Variants in CCDC66 observed in about 807,000 individuals in gnomAD.
CCDC66 encodes coiled-coil domain-containing protein 66.
In CCDC66, 133 loss-of-function variants were observed where a neutral mutation model predicts 128.3. The observed-to-expected ratio is 1.04, with a 90% CI of 0.90 to 1.20. The LOEUF is 1.20. Among genes scored for constraint, CCDC66 ranks in the 50% most tolerant of loss-of-function variants. The pLI, the probability that CCDC66 is intolerant of heterozygous loss-of-function variation, is 0.00. For synonymous variants in CCDC66, 387 were observed against 357.0 expected, an observed-to-expected ratio of 1.08 and a Z score of -0.95; for missense variants, 1,126 against 1,075.5, an observed-to-expected ratio of 1.05 and a Z score of -0.66.
chr3:56,587,357 A>AT (rs1305794896), intron 7 of CCDC66, among the ~76,000 whole-genome samples: 1 of 151,894 alleles, frequency 6.6e-6, no homozygotes, highest in African/African-American at 2.4e-5. Context: ...GTAATTTATA[A>AT]AGAGGTTTAA....
At chr3:56,606,572 C>T (rs773047935) in intron 10 of CCDC66, among the ~76,000 whole-genome samples, 1 of 151,904 alleles carries the variant, frequency 6.6e-6, no homozygotes, top group Non-Finnish European at 1.5e-5. Flanking sequence ...GTTGAGGTGG[C>T]GCCTCACCCT....
rs2064730598 is a variant in CCDC66 at position 56,558,921 on chromosome 3, T to C, written c.76+11T>C. The C allele has an allele frequency of 6.6e-7, 1 of 1,517,292 alleles. No individual in the cohort carries two copies. The highest frequency in any genetic ancestry group is 1.4e-5 in the African/African-American group (1 of 71,802). The allele number at this position is 1,517,292 out of a possible 1,614,324, so 94.0% of individuals were successfully genotyped here. A position where few individuals can be genotyped will look rare whatever the true frequency, so the allele number is the denominator to read the frequency against. ...TATTGTCTCCATATGGTATGTTGTG[T>C]TACAGAAATCTGAAATGTTAACTTT... On this transcript the variant is annotated intron_variant, in intron 2 of 17. Transcript: ENST00000394672.
chr3:56,587,925 A>G (rs2070109223), intron 7 of CCDC66, among the ~76,000 whole-genome samples: 1 of 152,248 alleles, frequency 6.6e-6, no homozygotes, highest in African/African-American at 2.4e-5. Context: ...CATTTGATTC[A>G]GCATTCTCAC....
intron 7 of CCDC66, among the ~76,000 whole-genome samples, chr3:56,577,305 A>G (rs151254179): frequency 4.5e-4 from 69 of 151,730 alleles, no homozygotes; most frequent in African/African-American, 1.6e-3. Flanking sequence ...TAAGTTATTT[A>G]TAGATTCTGG....
chr3:56,585,115 G>C (rs537896390), intron 7 of CCDC66, among the ~76,000 whole-genome samples: 1 of 116,422 alleles, frequency 8.6e-6, no homozygotes, highest in African/African-American at 2.6e-5. Flanking sequence ...TGGGGAGGGG[G>C]AGGGGGAGAG....
intron 10 of CCDC66, 96 bp from the exon 11 acceptor site, chr3:56,613,493 G>A (rs1005447729): frequency 7.2e-7 from 1 of 1,396,292 alleles, no homozygotes; most frequent in African/African-American, 1.5e-5. Flanking sequence ...CTCTGTGGAA[G>A]AGGTGAGCAC....
At position 56,593,961 on chromosome 3, in the gene CCDC66, C is replaced by A; in HGVS notation, c.1337C>A (p.Thr446Asn). Residue 446 changes from threonine to asparagine, a missense_variant, in exon 10 of 18, where the codon ACT becomes AAT. Physicochemically the swap from Thr to Asn is moderately conservative, Grantham distance 65. Transcript: ENST00000394672. ...SKKTNFLRSMTALLDPAQIEE... is the reference protein window; with the variant it reads ...SKKTNFLRSMNALLDPAQIEE... The stretch of plus-strand genomic sequence containing the variant: ...CTTGCCAGCTTTCTCCGTTCTATGA[C>A]TGCTCTCTTGGACCCAGCTCAGATT... The A allele has an allele frequency of 6.2e-7, 1 of 1,614,172 alleles. No individual in the cohort carries two copies. Among genetic ancestry groups the A allele is most frequent in the Non-Finnish European group, 8.5e-7 (1 of 1,180,008 alleles).
intron 10 of CCDC66, among the ~76,000 whole-genome samples, chr3:56,594,888 A>G (rs1379200496): frequency 1.3e-5 from 2 of 152,140 alleles, no homozygotes; most frequent in East Asian, 3.9e-4. Context: ...CTTAACAGGC[A>G]CTATGCTAAG....
In CCDC66 at chr3:56,599,521, G is replaced by A. The variant is rs544458231; in HGVS notation, c.1404+5493G>A. Among the ~76,000 whole-genome samples, 18 of 151,850 alleles carry A rather than the reference G, an allele frequency of 1.2e-4. No individual in the cohort carries two copies. In the South Asian group the frequency reaches 3.8e-3, roughly 32 times the overall value. Reference sequence around the variant, plus strand: ...AAATGTTTCCACTTTTTTGATATAGGCACTTATTGCTAAAATTTCCCTCTT... The same window carrying A: ...AAATGTTTCCACTTTTTTGATATAGACACTTATTGCTAAAATTTCCCTCTT... On this transcript the variant is annotated intron_variant, in intron 10 of 17. Transcript: ENST00000394672.
intron 10 of CCDC66, among the ~76,000 whole-genome samples, chr3:56,600,467 A>G (rs2107116805): frequency 6.6e-6 from 1 of 152,090 alleles, no homozygotes; most frequent in South Asian, 2.1e-4. Context: ...TTATAGTAGA[A>G]TGATTTATAA....
intron 6 of CCDC66, chr3:56,570,810 G>T (rs1229829796): frequency 2.2e-5 from 1 of 46,406 alleles, no homozygotes; most frequent in African/African-American, 5.3e-5. Context: ...TGTTGAACTT[G>T]AATTTTAACC....
intron 7 of CCDC66, among the ~76,000 whole-genome samples, chr3:56,582,787 CAT>C (rs2068629177): frequency 6.7e-6 from 1 of 150,144 alleles, no homozygotes; most frequent in African/African-American, 2.4e-5. Context: ...TCAAGATAGT[CAT>C]ATATGCATAA....
chr3:56,597,777 G>GTTTTT (rs3064563), intron 10 of CCDC66, among the ~76,000 whole-genome samples: 896 of 87,954 alleles, frequency 0.01, 94 homozygotes, highest in African/African-American at 0.027. Context: ...TTGTTTTGGG[G>GTTTTT]TTTTTTTTTT....
At chr3:56,607,533 T>C (rs1011396219) in intron 10 of CCDC66, among the ~76,000 whole-genome samples, 3 of 152,198 alleles carry the variant, frequency 2.0e-5, no homozygotes, top group Non-Finnish European at 4.4e-5. Context: ...TCTAGGAGCT[T>C]TCTGGAGGAG....
intron 7 of CCDC66, among the ~76,000 whole-genome samples, chr3:56,587,388 CTA>C (rs1233161535): frequency 6.6e-6 from 1 of 151,816 alleles, no homozygotes; most frequent in East Asian, 2.0e-4. Flanking sequence ...GTTTTGCAGA[CTA>C]TACAGAAAGC....
intron 10 of CCDC66, among the ~76,000 whole-genome samples, chr3:56,597,975 A>G (rs1577754196): frequency 6.6e-6 from 1 of 151,012 alleles, no homozygotes; most frequent in South Asian, 2.1e-4. Flanking sequence ...GGGGTTTCGC[A>G]GTGTTGGCCA....
Position 56,594,411 on chromosome 3 carries a change from G to T in CCDC66, c.1404+383G>T, listed in dbSNP as rs189348466. On this transcript the variant is annotated intron_variant, in intron 10 of 17. Coordinates refer to ENST00000394672, the MANE Select transcript of CCDC66 (RefSeq NM_001141947.3). ...AAGAAATCTAATGCATAATGGCCGG[G>T]CACGGTGGCTCACGCCTGTAATCCC... Among the ~76,000 whole-genome samples, 11 of 152,130 alleles carry T rather than the reference G, an allele frequency of 7.2e-5. No homozygotes were observed. In the East Asian group the frequency reaches 2.1e-3, roughly 29 times the overall value.
intron 6 of CCDC66, among the ~76,000 whole-genome samples, chr3:56,567,477 A>G (rs906215758): frequency 1.2e-4 from 19 of 152,210 alleles, no homozygotes; most frequent in African/African-American, 3.6e-4. Context: ...GGTTTTCTGA[A>G]AGATCAACTG....
intron 7 of CCDC66, 66 bp from the exon 8 acceptor site, chr3:56,592,904 T>C: frequency 6.5e-7 from 1 of 1,546,060 alleles, no homozygotes; most frequent in Non-Finnish European, 8.8e-7. Context: ...TTGGCAAGAT[T>C]TGCACATATT....
Sources: allele counts gnomAD v4.1 joint callset (sites outside exome capture counted in the v4.1 genomes callset), GRCh38; gene constraint gnomAD v4.1.1; transcripts MANE v1.5; gene names NCBI Gene and HGNC (gene_info 2026-07-23, HGNC 2026-07-21).